Variants in PI4KA observed in about 807,000 individuals in gnomAD.
PI4KA encodes PI4-kinase alpha.
In PI4KA, 122 loss-of-function variants were observed where a neutral mutation model predicts 271.4. The ratio of observed to expected loss-of-function variants is 0.45; its 90% confidence interval spans 0.39 to 0.52. PI4KA has a LOEUF of 0.52. Ranked by LOEUF, PI4KA falls within the 20% of genes least tolerant of loss-of-function variation. The pLI, the probability that PI4KA is intolerant of heterozygous loss-of-function variation, is 0.00. For missense variants in PI4KA, 1,969 were observed against 2,769.1 expected (o/e 0.71, Z 6.48); for synonymous variants, 1,041 against 1,078.8 (o/e 0.96, Z 0.69).
chr22:20,850,505 G>A (rs536164335), intron 1 of PI4KA, among the ~76,000 whole-genome samples: 5 of 151,854 alleles, frequency 3.3e-5, no homozygotes, highest in East Asian at 2.0e-4. Context: ...GTGCAGTGGC[G>A]TGATCTCAGC....
chr22:20,778,226 CG>C lies in PI4KA; in HGVS notation c.2329-12534del, dbSNP rs199524538. ...GCAAATTAAACAACCCCAGGTCAGG[CG>C]TGGTGGCTTATGCCTGTAATCCCAG... On this transcript the variant is annotated intron_variant, in intron 19 of 54. Transcript: ENST00000255882. Among the ~76,000 whole-genome samples, 893 of 152,242 alleles carry C rather than the reference CG, an allele frequency of 5.9e-3. 8 individuals are homozygous for C. Among genetic ancestry groups the C allele is most frequent in the East Asian group, 0.055 (286 of 5,176 alleles).
chr22:20,774,758 C>CA (rs361993), intron 19 of PI4KA, among the ~76,000 whole-genome samples: 3,356 of 107,188 alleles, frequency 0.031, 46 homozygotes, highest in Middle Eastern at 0.077. Context: ...TAGACTCCGT[C>CA]AAAAAAAAAA....
In PI4KA at chr22:20,777,956, A is replaced by G. The variant is rs193048902; in HGVS notation, c.2329-12263T>C. Among the ~76,000 whole-genome samples, 259 of 152,300 alleles carry G rather than the reference A, an allele frequency of 1.7e-3. 2 individuals are homozygous for G. Among genetic ancestry groups the G allele is most frequent in the African/African-American group, 6.0e-3 (249 of 41,562 alleles). On this transcript the variant is annotated intron_variant, in intron 19 of 54. Transcript: ENST00000255882. Reference sequence around the variant, plus strand: ...TACTTAAATAAAGGGAGTGCCCCTCAGGTCTTGAGTAAGAGCTTGCTGACA... The same window carrying G: ...TACTTAAATAAAGGGAGTGCCCCTCGGGTCTTGAGTAAGAGCTTGCTGACA...
rs1194957538 is a variant in PI4KA, at chr22:20,751,278, T to C, written c.3153+15A>G. ...TAAAGATGGCCCTTAGTGCAGGGGA[T>C]CGTGTCGGGCCTACCTCACGGGCTT... On this transcript the variant is annotated intron_variant, in intron 27 of 54. Transcript: ENST00000255882. 1 of 1,605,900 alleles carries C rather than the reference T, an allele frequency of 6.2e-7. No individual in the cohort carries two copies. Among genetic ancestry groups the C allele is most frequent in the South Asian group, 1.1e-5 (1 of 90,800 alleles).
chr22:20,742,727 T>A lies in PI4KA; in HGVS notation c.3494A>T (p.Gln1165Leu). The change falls in exon 31 of 55, where the codon CAG becomes CTG. Residue 1165 changes from glutamine (Q) to leucine (L), a missense_variant. Around this residue, in one of 13 missense-constraint regions of PI4KA, gnomAD observed 203 missense variants for 256.8 expected, o/e 0.79. Transcript: ENST00000255882. ...CATCATTTTGTTCAGGTCAGACATCTGGCCTGTGGTGCCTGAGAACCGAAT... is the reference window on the plus strand; with the variant it reads ...CATCATTTTGTTCAGGTCAGACATCAGGCCTGTGGTGCCTGAGAACCGAAT... Reference protein sequence around the residue: ...GMIRFSGTTGQMSDLNKMMVQ... With the variant: ...GMIRFSGTTGLMSDLNKMMVQ... 1.2e-6 allele frequency: 2 copies of A among 1,614,166 alleles called. No individual in the cohort carries two copies. The highest frequency in any genetic ancestry group is 1.7e-6 in the Non-Finnish European group (2 of 1,179,992).
In PI4KA at chr22:20,751,733, CG is replaced by C; in HGVS notation, c.3009del (p.Ser1003ArgfsTer5). The C allele has an allele frequency of 6.2e-7, 1 of 1,614,076 alleles. No individual in the cohort carries two copies. Among genetic ancestry groups the C allele is most frequent in the Non-Finnish European group, 8.5e-7 (1 of 1,179,960 alleles). Reference sequence around the variant, plus strand: ...TCCAGCATGGTCTTCAGCACAGTCCCGCTCCAGAGCAAGTGGGGAAACCTGC... The same window carrying C: ...TCCAGCATGGTCTTCAGCACAGTCCCCTCCAGAGCAAGTGGGGAAACCTGC... ...LVDKFPHLLW[S>X]GTVLKTMLDI... On this transcript the variant is annotated frameshift_variant, in exon 26 of 55. Transcript: ENST00000255882. LOFTEE classifies it high-confidence loss of function.
In PI4KA at chr22:20,796,404, G is replaced by A. The variant is rs149573376; in HGVS notation, c.2109-90C>T. 466 of 1,201,924 alleles carry A rather than the reference G, an allele frequency of 3.9e-4. 2 individuals carry two copies. In the African/African-American group the frequency reaches 6.3e-3, roughly 16 times the overall value. The allele number at this position is 1,201,924 out of a possible 1,614,324, so 74.5% of individuals were successfully genotyped here. ...TGCAGGGGTGAGGCGAGCTGAGCGGGCCAGGCCCAGCCTGCCTTACCACAC... is the reference window on the plus strand; with the variant it reads ...TGCAGGGGTGAGGCGAGCTGAGCGGACCAGGCCCAGCCTGCCTTACCACAC... On this transcript the variant is annotated intron_variant, in intron 17 of 54. Coordinates refer to ENST00000255882, the MANE Select transcript of PI4KA (RefSeq NM_058004.4).
rs1368774518 is a variant in PI4KA, at chr22:20,729,616, C to T, written c.4488+16G>A. The T allele has an allele frequency of 1.9e-6, 3 of 1,560,452 alleles. No homozygotes were observed. Among genetic ancestry groups the T allele is most frequent in the Non-Finnish European group, 1.7e-6 (2 of 1,151,276 alleles). On this transcript the variant is annotated intron_variant, in intron 38 of 54. Coordinates refer to ENST00000255882, the MANE Select transcript of PI4KA (RefSeq NM_058004.4). The stretch of plus-strand genomic sequence containing the variant: ...AGGTGGCGGGCAGCAGGCACAGCTG[C>T]ACCTGTGGGCCTTACCAGCAGGGAC...
rs1040253613 is a variant in PI4KA, at chr22:20,729,360, G to C, written c.4635C>G (p.Asn1545Lys). The change falls in exon 39 of 55, where the codon AAC (asparagine) becomes AAG (lysine). Residue 1545 changes from asparagine to lysine, a missense_variant. Asn to Lys is a moderately conservative substitution (Grantham distance 94). Around this residue, in one of 13 missense-constraint regions of PI4KA, gnomAD observed 388 missense variants for 521.5 expected, o/e 0.74. Transcript: ENST00000255882. ...GGTAGGGAGAGATGCTCCAGGCGAG[G>C]TTCACGTTGTCCTTCCACTGCTTCT... is the stretch of plus-strand genomic sequence containing the variant. ...LSEKQWKDNV[N>K]LAWSISPYLA... 1 of 1,614,140 alleles carries C rather than the reference G, an allele frequency of 6.2e-7. No homozygotes were observed. Among genetic ancestry groups the C allele is most frequent in the African/African-American group, 1.3e-5 (1 of 75,052 alleles).
intron 36 of PI4KA, 56 bp from the exon 37 acceptor site, chr22:20,730,067 CA>C (rs1927836795): frequency 4.4e-6 from 7 of 1,592,416 alleles, no homozygotes; most frequent in Non-Finnish European, 6.0e-6. Context: ...AAAGGTACCA[CA>C]AAAAATAAAC....
intron 44 of PI4KA, 44 bp downstream of exon 44, chr22:20,718,649 T>G (rs1223128398): frequency 6.2e-7 from 1 of 1,606,784 alleles, no homozygotes; most frequent in African/African-American, 1.3e-5. Flanking sequence ...CTGCAGGGAC[T>G]GGAAGGAGAT....
intron 44 of PI4KA, among the ~76,000 whole-genome samples, chr22:20,718,376 A>C (rs1190740439): frequency 6.6e-6 from 1 of 152,210 alleles, no homozygotes; most frequent in Non-Finnish European, 1.5e-5. Flanking sequence ...CAAAGTGTGG[A>C]GAGGGCAGGG....
chr22:20,812,800 C>G (rs920202538), intron 8 of PI4KA, among the ~76,000 whole-genome samples: 2 of 152,174 alleles, frequency 1.3e-5, no homozygotes, highest in African/African-American at 4.8e-5. Flanking sequence ...AAGTGATCCG[C>G]CCACTTTGGC....
intron 36 of PI4KA, among the ~76,000 whole-genome samples, chr22:20,730,646 C>T (rs1316471831): frequency 1.3e-5 from 2 of 152,098 alleles, no homozygotes; most frequent in Non-Finnish European, 2.9e-5. Flanking sequence ...TCTCAGCTCA[C>T]TGCAACCTCT....
In PI4KA at chr22:20,733,723, C is replaced by T. The variant is rs767774519; in HGVS notation, c.4160+13G>A. On this transcript the variant is annotated intron_variant, in intron 35 of 54. Coordinates refer to ENST00000255882, the MANE Select transcript of PI4KA (RefSeq NM_058004.4). ...CGTCCCTGGACGCTGCACAGCACATCTTGGGGGAGTACCTGAAGTAGTCAA... is the reference window on the plus strand; with the variant it reads ...CGTCCCTGGACGCTGCACAGCACATTTTGGGGGAGTACCTGAAGTAGTCAA... The T allele has an allele frequency of 3.7e-6, 6 of 1,613,882 alleles. No homozygotes were observed. In the South Asian group the frequency reaches 6.6e-5, roughly 18 times the overall value.
At chr22:20,745,012 G>C (rs911712042) in intron 29 of PI4KA, among the ~76,000 whole-genome samples, 1 of 152,162 alleles carries the variant, frequency 6.6e-6, no homozygotes, top group African/African-American at 2.4e-5. Flanking sequence ...TGTCACCTGT[G>C]ATGGAAACGC....
Position 20,834,670 on chromosome 22 carries a change from G to T in PI4KA, c.274-15C>A, listed in dbSNP as rs373880392. The T allele has an allele frequency of 3.3e-5, 49 of 1,502,118 alleles. 1 individual carries two copies. Among genetic ancestry groups the T allele is most frequent in the Middle Eastern group, 3.4e-4 (2 of 5,840 alleles). The allele number at this position is 1,502,118 out of a possible 1,614,324, so 93.0% of individuals were successfully genotyped here. Reference sequence around the variant, plus strand: ...CAATCTTTGTGCTAAAAAATAATAAGAAGAATAATAAATTAGATTTAATAA... The same window carrying T: ...CAATCTTTGTGCTAAAAAATAATAATAAGAATAATAAATTAGATTTAATAA... On this transcript the variant is annotated splice_polypyrimidine_tract_variant and intron_variant, in intron 2 of 54. Transcript: ENST00000255882.
chr22:20,842,963 C>T (rs370636953), intron 1 of PI4KA, among the ~76,000 whole-genome samples: 3 of 151,176 alleles, frequency 2.0e-5, no homozygotes, highest in East Asian at 3.9e-4. Flanking sequence ...CCAGGCGTGG[C>T]GGCATGCGTC....
chr22:20,775,129 T>TG (rs1398001759), intron 19 of PI4KA, among the ~76,000 whole-genome samples: 8 of 152,038 alleles, frequency 5.3e-5, no homozygotes, highest in Non-Finnish European at 7.4e-5. Context: ...TATGCTCTGA[T>TG]GCGTGACTGA....
Sources: allele counts gnomAD v4.1 joint callset (sites outside exome capture counted in the v4.1 genomes callset), GRCh38; gene constraint gnomAD v4.1.1; regional missense constraint gnomAD v4.1.1; transcripts MANE v1.5; gene names NCBI Gene and HGNC (gene_info 2026-07-23, HGNC 2026-07-21).